ATP13A4: variants seen among roughly 807,000 people sequenced by gnomAD.
The protein encoded by ATP13A4 is ATPase 13A4.
ATP13A4 carries 114 observed loss-of-function variants against 142.5 expected under a neutral mutation model. That is an observed-to-expected ratio of 0.80 (90% CI 0.69 to 0.93). The LOEUF (loss-of-function observed/expected upper bound fraction) is 0.93. ATP13A4 is among the 40% of genes least tolerant of loss of function. The probability of loss-of-function intolerance (pLI) is 0.00; values close to 1 mark genes in which losing one functional copy is unlikely to be tolerated. For missense variants in ATP13A4, 1,392 were observed against 1,454.0 expected (o/e 0.96, Z 0.69); for synonymous variants, 488 against 514.8 (o/e 0.95, Z 0.70).
intron 29 of ATP13A4, chr3:193,403,825 G>A (rs568152024): frequency 1.0e-4 from 101 of 984,310 alleles, no homozygotes; most frequent in South Asian, 8.0e-4. Flanking sequence ...AATATGGGAC[G>A]TGAAACTGTC....
chr3:193,480,194 T>G (rs1267871995), intron 8 of ATP13A4, among the ~76,000 whole-genome samples: 1 of 152,196 alleles, frequency 6.6e-6, no homozygotes, highest in Non-Finnish European at 1.5e-5. Flanking sequence ...CTTCTAGACA[T>G]TGGCTTAGCC....
At position 193,469,927 on chromosome 3, in the gene ATP13A4, T is replaced by A. The variant is rs74966381; in HGVS notation, c.943+932A>T. The stretch of plus-strand genomic sequence containing the variant: ...CCCAGCATTACAGGATTTTTATGAA[T>A]CTATGGGATTTTGAGGGAAAAGAAC... On this transcript the variant is annotated intron_variant, in intron 9 of 29. Transcript: ENST00000342695. Among the ~76,000 whole-genome samples, 346 of 152,308 alleles carry A rather than the reference T, an allele frequency of 2.3e-3. 10 individuals are homozygous for A. The East Asian group carries it at 0.045, about 20-fold the overall frequency.
chr3:193,513,230 T>C (rs906769516), intron 2 of ATP13A4, among the ~76,000 whole-genome samples: 1 of 152,232 alleles, frequency 6.6e-6, no homozygotes, highest in East Asian at 1.9e-4. Flanking sequence ...CTCAGTTTCA[T>C]TGGAGTTTAG....
At chr3:193,525,238 T>C (rs1354331356) in intron 1 of ATP13A4, among the ~76,000 whole-genome samples, 1 of 152,188 alleles carries the variant, frequency 6.6e-6, no homozygotes, top group Non-Finnish European at 1.5e-5. Flanking sequence ...TGGCACCTGA[T>C]AAATGTTTAG....
At chr3:193,409,797 A>G (rs999815043) in intron 28 of ATP13A4, among the ~76,000 whole-genome samples, 5 of 152,216 alleles carry the variant, frequency 3.3e-5, no homozygotes, top group Admixed American at 6.5e-5. Flanking sequence ...CTGGTTGGGA[A>G]TGCACTGTAT....
At chr3:193,547,496 T>C (rs564159120) in intron 1 of ATP13A4, among the ~76,000 whole-genome samples, 14 of 152,338 alleles carry the variant, frequency 9.2e-5, no homozygotes, top group African/African-American at 3.1e-4. Context: ...TGAGAATCAT[T>C]GGAAAGGATA....
At chr3:193,473,996 C>A (rs1327428761) in intron 8 of ATP13A4, among the ~76,000 whole-genome samples, 2 of 152,054 alleles carry the variant, frequency 1.3e-5, no homozygotes, top group Non-Finnish European at 2.9e-5. Flanking sequence ...CACAGTCCTT[C>A]ATGTAGGAAA....
At chr3:193,580,941 T>C (rs1724532201) in intron 2 of ATP13A4, among the ~76,000 whole-genome samples, 1 of 152,186 alleles carries the variant, frequency 6.6e-6, no homozygotes, top group Non-Finnish European at 1.5e-5. Flanking sequence ...AACAACTGGC[T>C]CTTCCAAAAA....
chr3:193,578,296 A>AATATCTATATCG (rs1553862761), intron 2 of ATP13A4, among the ~76,000 whole-genome samples: 1 of 146,284 alleles, frequency 6.8e-6, no homozygotes, highest in African/African-American at 2.5e-5. Context: ...CCATCTCAGA[A>AATATCTATATCG]ATATCTATAT....
intron 25 of ATP13A4, among the ~76,000 whole-genome samples, chr3:193,425,619 A>G (rs1715618660): frequency 6.6e-6 from 1 of 151,856 alleles, no homozygotes; most frequent in Non-Finnish European, 1.5e-5. Flanking sequence ...AGAAGGACAA[A>G]TTCCACATGA....
chr3:193,430,924 G>A (rs1715935089), intron 25 of ATP13A4, among the ~76,000 whole-genome samples: 1 of 152,082 alleles, frequency 6.6e-6, no homozygotes, highest in Admixed American at 6.6e-5. Context: ...AACAGTGGAA[G>A]CAAGATCAGC....
chr3:193,416,865 G>A (rs937849122), intron 25 of ATP13A4: 1 of 152,052 alleles, frequency 6.6e-6, no homozygotes, highest in Non-Finnish European at 1.5e-5. Flanking sequence ...TATCCAAGAA[G>A]TACAAGTAAT....
intron 1 of ATP13A4, among the ~76,000 whole-genome samples, chr3:193,519,422 G>A (rs981051913): frequency 1.3e-5 from 2 of 151,906 alleles, no homozygotes; most frequent in Non-Finnish European, 2.9e-5. Flanking sequence ...TACCAGCCAC[G>A]AGGACTCTTT....
rs796806813 is a variant in ATP13A4, at chr3:193,437,020, C to T, written c.2673-1276G>A. Among the ~76,000 whole-genome samples, 303 of 139,986 alleles carry T rather than the reference C, an allele frequency of 2.2e-3. 1 individual carries two copies. The highest frequency in any genetic ancestry group is 4.1e-3 in the Admixed American group (60 of 14,618). The allele number at this position is 139,986 out of a possible 152,430, so 91.8% of individuals were successfully genotyped here. The stretch of plus-strand genomic sequence containing the variant: ...TTGGGAGGCTGAGGCAGGAGAATGG[C>T]GTGAACCCGGGAGGCGGAGCTTGCA... On this transcript the variant is annotated intron_variant, in intron 23 of 29. Transcript: ENST00000342695.
intron 10 of ATP13A4, among the ~76,000 whole-genome samples, chr3:193,466,893 A>G (rs531559385): frequency 1.3e-5 from 2 of 152,304 alleles, no homozygotes; most frequent in East Asian, 3.9e-4. Flanking sequence ...TATATATATG[A>G]TGTGTTTTGT....
intron 1 of ATP13A4, among the ~76,000 whole-genome samples, chr3:193,527,481 A>G (rs1022174068): frequency 6.6e-6 from 1 of 151,984 alleles, no homozygotes; most frequent in African/African-American, 2.4e-5. Context: ...GCATGGTGAC[A>G]TGTGCCTGTA....
Position 193,436,303 on chromosome 3 carries a change from G to T in ATP13A4, c.2673-559C>A, listed in dbSNP as rs573225087. ...TATCAAATTGAAATAGGCTGGAAAT[G>T]ATGAGCATTTTCATTTGTGTTATTG... On this transcript the variant is annotated intron_variant, in intron 23 of 29. Coordinates refer to ENST00000342695, the MANE Select transcript of ATP13A4 (RefSeq NM_032279.4). 2.0e-5 allele frequency among the ~76,000 whole-genome samples: 3 copies of T among 152,250 alleles called. No individual in the cohort carries two copies. The South Asian group carries it at 6.2e-4, about 32-fold the overall frequency.
At chr3:193,474,602 AAAGG>A (rs1028669429) in intron 8 of ATP13A4, among the ~76,000 whole-genome samples, 1 of 149,810 alleles carries the variant, frequency 6.7e-6, no homozygotes, top group African/African-American at 2.5e-5. Context: ...AGAAAGGAAG[AAAGG>A]AAGGAAGAAA....
At chr3:193,405,281 C>T (rs779350671) in intron 29 of ATP13A4, among the ~76,000 whole-genome samples, 9 of 152,214 alleles carry the variant, frequency 5.9e-5, no homozygotes, top group Non-Finnish European at 1.2e-4. Flanking sequence ...CTCTTCCCTT[C>T]CCACCTAAAA....
Sources: allele counts gnomAD v4.1 joint callset (sites outside exome capture counted in the v4.1 genomes callset), GRCh38; gene constraint gnomAD v4.1.1; transcripts MANE v1.5; gene names NCBI Gene and HGNC (gene_info 2026-07-23, HGNC 2026-07-21).